Variants in MYH15 observed in about 807,000 individuals in gnomAD.
The protein encoded by MYH15 is myosin-15.
In MYH15, 227 loss-of-function variants were observed where a neutral mutation model predicts 240.5. The ratio of observed to expected loss-of-function variants is 0.94; its 90% confidence interval spans 0.85 to 1.05. MYH15 has a LOEUF of 1.05. Among genes scored for constraint, MYH15 ranks in the 50% least tolerant of loss-of-function variants. MYH15 has a pLI of 0.00. For synonymous variants in MYH15, 785 were observed against 796.7 expected (o/e 0.99, Z 0.25); for missense variants, 2,217 against 2,247.5 (o/e 0.99, Z 0.27).
intron 11 of MYH15, among the ~76,000 whole-genome samples, chr3:108,484,693 T>A (rs1347887409): frequency 3.9e-5 from 6 of 152,168 alleles, no homozygotes; most frequent in Admixed American, 3.9e-4. Context: ...TTGGCCAGGC[T>A]GGTCTTGAAC....
chr3:108,504,729 G>A (rs935534731), intron 2 of MYH15, among the ~76,000 whole-genome samples: 1 of 152,182 alleles, frequency 6.6e-6, no homozygotes, highest in Non-Finnish European at 1.5e-5. Flanking sequence ...GGCAGGTAAT[G>A]TGAAGTCAGC....
At chr3:108,383,782 GTTT>G in intron 39 of MYH15, 53 bp from the exon 40 acceptor site, 1 of 1,169,688 alleles carries the variant, frequency 8.5e-7, no homozygotes, top group Non-Finnish European at 1.1e-6. Flanking sequence ...ATAGTCAGGT[GTTT>G]TTTTTTTCTG....
chr3:108,492,394 G>T (rs2083356815), intron 9 of MYH15, 106 bp downstream of exon 9: 1 of 666,328 alleles, frequency 1.5e-6, no homozygotes, highest in Non-Finnish European at 2.5e-6. Context: ...ATATACTGAG[G>T]TCTAAATAGG....
chr3:108,450,841 T>C (rs1393086253), intron 21 of MYH15, among the ~76,000 whole-genome samples: 1 of 150,918 alleles, frequency 6.6e-6, no homozygotes, highest in Non-Finnish European at 1.5e-5. Flanking sequence ...CTGAATAAAG[T>C]TAGAAAAAGG....
chr3:108,482,059 G>A (rs1192005915), intron 11 of MYH15, among the ~76,000 whole-genome samples: 2 of 152,034 alleles, frequency 1.3e-5, no homozygotes, highest in African/African-American at 4.8e-5. Flanking sequence ...ACGGTGGCTC[G>A]GGCTAGGTGG....
At chr3:108,536,033 C>T in the MYH15 span, among the ~76,000 whole-genome samples, 2 of 152,098 alleles carry the variant, frequency 1.3e-5, no homozygotes, top group Non-Finnish European at 2.9e-5. Context: ...TTTGGGAGGC[C>T]GAGGTGGGCG....
intron 11 of MYH15, among the ~76,000 whole-genome samples, chr3:108,481,562 T>C (rs554910364): frequency 8.5e-5 from 13 of 152,140 alleles, no homozygotes; most frequent in Non-Finnish European, 1.6e-4. Flanking sequence ...GTTACTTTAA[T>C]AAGTGAGGGA....
In MYH15 at chr3:108,398,837, G is replaced by A. The variant is rs772767610; in HGVS notation, c.4933C>T (p.Leu1645Phe). The A allele has an allele frequency of 8.1e-6, 13 of 1,614,142 alleles. No homozygotes were observed. In the South Asian group the frequency reaches 1.1e-4, roughly 14 times the overall value. Residue 1645 changes from leucine to phenylalanine, a missense_variant, in exon 35 of 41, where the codon CTT (leucine) becomes TTT (phenylalanine). Leu to Phe is a conservative substitution (Grantham distance 22). Coordinates refer to ENST00000693548, the MANE Select transcript of MYH15 (RefSeq NM_014981.3). ...GTGCTGTCATCCAGCTGCATTTGAAGGTCCTGGGAGAGAAAAGATGGGTCT... is the reference window on the plus strand; with the variant it reads ...GTGCTGTCATCCAGCTGCATTTGAAAGTCCTGGGAGAGAAAAGATGGGTCT... The part of the protein sequence containing the change: ...LGQLQIQIKD[L>F]QMQLDDSTQL...
chr3:108,462,450 T>C (rs1200452080), intron 16 of MYH15, among the ~76,000 whole-genome samples: 1 of 152,052 alleles, frequency 6.6e-6, no homozygotes, highest in Non-Finnish European at 1.5e-5. Flanking sequence ...TATTTGTTCC[T>C]GTGAGAAGTT....
intron 21 of MYH15, among the ~76,000 whole-genome samples, 180 bp from the exon 22 acceptor site, chr3:108,445,075 C>T (rs2082916414): frequency 6.6e-6 from 1 of 152,154 alleles, no homozygotes; most frequent in Non-Finnish European, 1.5e-5. Context: ...CAAGGGATAT[C>T]TGGGGTTAGC....
At chr3:108,434,328 A>G (rs980219171) in intron 25 of MYH15, among the ~76,000 whole-genome samples, 3 of 151,346 alleles carry the variant, frequency 2.0e-5, no homozygotes, top group Non-Finnish European at 2.9e-5. Flanking sequence ...GATTACAGGC[A>G]TGTGCCACCA....
At chr3:108,535,787 TAA>T in the MYH15 span, among the ~76,000 whole-genome samples, 1 of 152,086 alleles carries the variant, frequency 6.6e-6, no homozygotes. Flanking sequence ...TTATAGTTAA[TAA>T]AACAGGCCAC....
At chr3:108,519,306 A>C (rs1452987461) in intron 1 of MYH15, among the ~76,000 whole-genome samples, 2 of 152,234 alleles carry the variant, frequency 1.3e-5, no homozygotes, top group African/African-American at 4.8e-5. Context: ...GGAAAGATTT[A>C]AATAAGTAGT....
chr3:108,458,810 G>T (rs1474099172), intron 18 of MYH15, among the ~76,000 whole-genome samples: 1 of 151,268 alleles, frequency 6.6e-6, no homozygotes, highest in Middle Eastern at 3.2e-3. Flanking sequence ...ACTATTCACT[G>T]ATCAAAAGAT....
chr3:108,464,549 A>G (rs1236913578), intron 15 of MYH15, 89 bp downstream of exon 15: 3 of 1,260,448 alleles, frequency 2.4e-6, no homozygotes, highest in African/African-American at 1.5e-5. Context: ...TAATCTAAAC[A>G]TTACTTAAAT....
At chr3:108,537,324 T>A in the MYH15 span, among the ~76,000 whole-genome samples, 1 of 152,134 alleles carries the variant, frequency 6.6e-6, no homozygotes, top group African/African-American at 2.4e-5. Context: ...TGTCTATTCC[T>A]CTTTAGGCTC....
chr3:108,458,895 G>A (rs2083047441), intron 18 of MYH15, among the ~76,000 whole-genome samples: 1 of 152,044 alleles, frequency 6.6e-6, no homozygotes, highest in Non-Finnish European at 1.5e-5. Context: ...TGTTGGCATT[G>A]GCAAGGAGGA....
rs920191078 is a variant in MYH15 at position 108,439,773 on chromosome 3, G to A, written c.3039C>T (p.Ser1013=). ...HMEEEKLSSL[S]KANLKLEQQV... is the part of the protein sequence containing the mutation. ...GCTGTTCCAGCTTCAGATTTGCTTT[G>A]CTCAGGCTGCTGAGCTTCTCCTCCT... The change falls in exon 24 of 41, where the codon AGC becomes AGT. Residue 1013 remains serine (S), a synonymous_variant. Transcript: ENST00000693548. The A allele has an allele frequency of 1.9e-6, 3 of 1,610,054 alleles. No individual in the cohort carries two copies. The highest frequency in any genetic ancestry group is 2.5e-6 in the Non-Finnish European group (3 of 1,178,526).
chr3:108,469,156 C>T (rs540143574), intron 14 of MYH15, among the ~76,000 whole-genome samples: 26 of 152,292 alleles, frequency 1.7e-4, no homozygotes, highest in African/African-American at 5.1e-4. Flanking sequence ...TGATAGGACA[C>T]GGATTGATAA....
Sources: allele counts gnomAD v4.1 joint callset (sites outside exome capture counted in the v4.1 genomes callset), GRCh38; gene constraint gnomAD v4.1.1; transcripts MANE v1.5; gene names NCBI Gene and HGNC (gene_info 2026-07-23, HGNC 2026-07-21).